Variants in GLRA3 observed in about 807,000 individuals in gnomAD.
GLRA3 encodes glycine receptor alpha 3.
GLRA3 carries 44 observed loss-of-function variants against 60.4 expected under a neutral mutation model. The observed-to-expected ratio is 0.73, with a 90% CI of 0.57 to 0.94. The LOEUF (loss-of-function observed/expected upper bound fraction) is 0.94, where lower values mean the gene tolerates loss of function less well. Among genes scored for constraint, GLRA3 ranks in the 40% least tolerant of loss-of-function variants. GLRA3 has a pLI of 0.00. For synonymous variants in GLRA3, 223 were observed against 192.9 expected, an observed-to-expected ratio of 1.16 and a Z score of -1.29; for missense variants, 508 against 564.6, an observed-to-expected ratio of 0.90 and a Z score of 1.02.
At chr4:174,768,329 C>A (rs1738236528) in intron 2 of GLRA3, among the ~76,000 whole-genome samples, 1 of 152,114 alleles carries the variant, frequency 6.6e-6, no homozygotes, top group South Asian at 2.1e-4. Flanking sequence ...AGCTTTTTAT[C>A]AATTTTAAAA....
intron 2 of GLRA3, among the ~76,000 whole-genome samples, chr4:174,770,734 A>G (rs1307331304): frequency 6.6e-6 from 1 of 152,074 alleles, no homozygotes; most frequent in Non-Finnish European, 1.5e-5. Flanking sequence ...GTTACTAATG[A>G]ACATTTTAAA....
intron 2 of GLRA3, among the ~76,000 whole-genome samples, chr4:174,775,552 G>A (rs1314458246): frequency 6.6e-6 from 1 of 152,112 alleles, no homozygotes; most frequent in Admixed American, 6.5e-5. Flanking sequence ...ATACTTGGGA[G>A]GAAGACAGAA....
At chr4:174,707,582 C>T (rs1470083065) in intron 5 of GLRA3, among the ~76,000 whole-genome samples, 2 of 151,916 alleles carry the variant, frequency 1.3e-5, no homozygotes, top group Non-Finnish European at 2.9e-5. Context: ...GGAAAGACGT[C>T]TAGGGGAAGG....
intron 2 of GLRA3, among the ~76,000 whole-genome samples, chr4:174,784,630 A>G (rs1277517534): frequency 6.6e-6 from 1 of 152,176 alleles, no homozygotes; most frequent in Non-Finnish European, 1.5e-5. Context: ...CAAATTTTTG[A>G]AATAATGACT....
At chr4:174,714,987 A>C (rs1415860060) in intron 5 of GLRA3, among the ~76,000 whole-genome samples, 1 of 152,214 alleles carries the variant, frequency 6.6e-6, no homozygotes, top group African/African-American at 2.4e-5. Context: ...ATATTAAAAT[A>C]ATAAACATTG....
At chr4:174,667,771 A>T (rs139409908) in intron 7 of GLRA3, among the ~76,000 whole-genome samples, 1 of 152,314 alleles carries the variant, frequency 6.6e-6, no homozygotes, top group Non-Finnish European at 1.5e-5. Context: ...GCTCATCATC[A>T]GTTAACCATA....
chr4:174,675,257 T>C (rs1734070676), intron 7 of GLRA3, among the ~76,000 whole-genome samples: 1 of 152,178 alleles, frequency 6.6e-6, no homozygotes. Context: ...CTGTAAGTTC[T>C]TGTGGAAATT....
At chr4:174,645,757 C>A (rs1387712160) in intron 9 of GLRA3, among the ~76,000 whole-genome samples, 1 of 152,098 alleles carries the variant, frequency 6.6e-6, no homozygotes, top group Admixed American at 6.5e-5. Flanking sequence ...AATTGAAAAT[C>A]GATTTTCCAC....
intron 3 of GLRA3, among the ~76,000 whole-genome samples, chr4:174,749,072 A>G (rs1737356635): frequency 6.6e-6 from 1 of 152,124 alleles, no homozygotes; most frequent in East Asian, 1.9e-4. Context: ...GATTGTTGAA[A>G]GAACAAATAA....
chr4:174,697,902 G>A (rs1483508037), intron 5 of GLRA3, among the ~76,000 whole-genome samples: 3 of 152,164 alleles, frequency 2.0e-5, no homozygotes, highest in Non-Finnish European at 1.5e-5. Flanking sequence ...GAAAGGCATC[G>A]TGGTTGGTTG....
At chr4:174,746,276 A>C (rs79485737) in intron 3 of GLRA3, among the ~76,000 whole-genome samples, 2,596 of 152,272 alleles carry the variant, frequency 0.017, 76 homozygotes, top group African/African-American at 0.058. Flanking sequence ...AGTAAAGAAA[A>C]TGTGTCATAT....
chr4:174,781,892 G>A (rs1327094289), intron 2 of GLRA3, among the ~76,000 whole-genome samples: 38 of 152,172 alleles, frequency 2.5e-4, no homozygotes, highest in Admixed American at 2.5e-3. Context: ...AGAGGTATAA[G>A]GAGGAGCTGG....
chr4:174,809,466 C>T (rs1167856751), intron 1 of GLRA3, among the ~76,000 whole-genome samples: 1 of 152,182 alleles, frequency 6.6e-6, no homozygotes, highest in East Asian at 1.9e-4. Flanking sequence ...GGTGCTGTGA[C>T]TCACACCTGT....
chr4:174,823,060 T>C (rs887059740), intron 1 of GLRA3, among the ~76,000 whole-genome samples: 1 of 152,198 alleles, frequency 6.6e-6, no homozygotes, highest in Non-Finnish European at 1.5e-5. Flanking sequence ...CATTTACTGT[T>C]ACTGAACAGC....
intron 2 of GLRA3, among the ~76,000 whole-genome samples, chr4:174,786,466 C>T (rs1008559042): frequency 1.3e-5 from 2 of 152,122 alleles, no homozygotes; most frequent in African/African-American, 4.8e-5. Context: ...GTGTAAATGT[C>T]TTCTGTTAGG....
Position 174,657,885 on chromosome 4 carries a change from G to A in GLRA3, c.1072-1098C>T, listed in dbSNP as rs891534171. On this transcript the variant is annotated intron_variant, in intron 8 of 9. Transcript: ENST00000274093. ...ACTAAATCTCCCGATGCTGAATGCT[G>A]ATGTTCTTTCCACGTAGCTGTTAAT... 2.6e-5 allele frequency among the ~76,000 whole-genome samples: 4 copies of A among 152,264 alleles called. No individual in the cohort carries two copies. The East Asian group carries it at 7.7e-4, about 29-fold the overall frequency.
chr4:174,824,343 A>C (rs1257310476), intron 1 of GLRA3, among the ~76,000 whole-genome samples: 1 of 152,182 alleles, frequency 6.6e-6, no homozygotes, highest in Non-Finnish European at 1.5e-5. Context: ...TGCTATCACC[A>C]ATCCTATGAC....
At chr4:174,654,084 T>C (rs958189952) in intron 9 of GLRA3, among the ~76,000 whole-genome samples, 1 of 152,110 alleles carries the variant, frequency 6.6e-6, no homozygotes, top group African/African-American at 2.4e-5. Context: ...AAGACATTTG[T>C]AGGAAACACT....
intron 5 of GLRA3, among the ~76,000 whole-genome samples, chr4:174,683,285 T>C (rs1319883802): frequency 6.6e-6 from 1 of 152,230 alleles, no homozygotes; most frequent in Non-Finnish European, 1.5e-5. Context: ...ATCTGGTTTC[T>C]CCTTACTTTC....
Sources: gnomAD v4.1 joint callset for allele counts (sites outside exome capture counted in the v4.1 genomes callset) on GRCh38, gnomAD v4.1.1 for gene constraint, MANE v1.5 for transcripts, NCBI Gene and HGNC (gene_info 2026-07-23, HGNC 2026-07-21) for gene names.